The following PGS1 variants were observed in gnomAD, a reference collection of about 807,000 sequenced individuals.
PGS1 encodes the protein CDP-diacylglycerol--glycerol-3-phosphate 3-phosphatidyltransferase, mitochondrial.
A neutral mutation model predicts 58.3 loss-of-function variants in PGS1; 44 were observed. That is an observed-to-expected ratio of 0.75 (90% CI 0.59 to 0.97). The LOEUF (loss-of-function observed/expected upper bound fraction) is 0.97. PGS1 is among the 50% of genes least tolerant of loss of function. The probability of loss-of-function intolerance (pLI) is 0.00; values close to 1 mark genes in which losing one functional copy is unlikely to be tolerated. For synonymous variants in PGS1, 330 were observed against 311.0 expected (o/e 1.06, Z -0.64); for missense variants, 684 against 731.1 (o/e 0.94, Z 0.74).
At chr17:78,422,999 G>A (rs1020208638) in intron 9 of PGS1, among the ~76,000 whole-genome samples, 2 of 151,990 alleles carry the variant, frequency 1.3e-5, no homozygotes, top group African/African-American at 4.8e-5. Flanking sequence ...GGGAGGTTGA[G>A]GCAGGAGAAT....
intron 7 of PGS1, among the ~76,000 whole-genome samples, chr17:78,408,050 C>T (rs1169883672): frequency 6.6e-6 from 1 of 152,238 alleles, no homozygotes; most frequent in African/African-American, 2.4e-5. Flanking sequence ...GATCGTTCAA[C>T]AGCCTGATAC....
chr17:78,395,885 C>T (rs930086450), intron 2 of PGS1, among the ~76,000 whole-genome samples: 10 of 152,310 alleles, frequency 6.6e-5, no homozygotes, highest in South Asian at 2.1e-4. Flanking sequence ...ATTACAGGCA[C>T]GCGCCACCAT....
Position 78,380,595 on chromosome 17 carries a change from C to T in PGS1, c.143+1787C>T, listed in dbSNP as rs574441172. ...AAAAGACCTGCTCATCTCTGGGTGA[C>T]GAAGTCAGATGACTTCTACGTCCTG... On this transcript the variant is annotated intron_variant, in intron 1 of 9. Coordinates refer to ENST00000262764, the MANE Select transcript of PGS1 (RefSeq NM_024419.5). Among the ~76,000 whole-genome samples, 219 of 152,282 alleles carry T rather than the reference C, an allele frequency of 1.4e-3. 2 individuals carry two copies. Among genetic ancestry groups the T allele is most frequent in the African/African-American group, 4.9e-3 (202 of 41,544 alleles).
intron 7 of PGS1, among the ~76,000 whole-genome samples, chr17:78,410,667 T>G (rs2084593080): frequency 1.3e-5 from 2 of 151,692 alleles, no homozygotes; most frequent in South Asian, 2.1e-4. Context: ...AGAGATGGGG[T>G]TTCACCATGA....
chr17:78,415,300 A>T (rs187494115), intron 8 of PGS1, among the ~76,000 whole-genome samples: 232 of 152,190 alleles, frequency 1.5e-3, no homozygotes, highest in African/African-American at 5.3e-3. Context: ...TCTCCCTGGG[A>T]CCTTTTCCTT....
intron 1 of PGS1, among the ~76,000 whole-genome samples, chr17:78,384,729 T>C (rs2082260340): frequency 6.6e-6 from 1 of 152,218 alleles, no homozygotes; most frequent in East Asian, 1.9e-4. Context: ...TACCGTACTC[T>C]TTCATCAAAG....
At chr17:78,384,284 C>T (rs1199220765) in intron 1 of PGS1, among the ~76,000 whole-genome samples, 1 of 152,146 alleles carries the variant, frequency 6.6e-6, no homozygotes, top group Non-Finnish European at 1.5e-5. Context: ...ACTCATTTCC[C>T]TTACTCGGGG....
chr17:78,407,735 A>C (rs1442306875), intron 7 of PGS1, among the ~76,000 whole-genome samples: 1 of 152,264 alleles, frequency 6.6e-6, no homozygotes, highest in Non-Finnish European at 1.5e-5. Context: ...CTCTGCTGTC[A>C]GCACAGCACT....
intron 1 of PGS1, among the ~76,000 whole-genome samples, chr17:78,386,459 T>C (rs1446219939): frequency 6.6e-6 from 1 of 152,174 alleles, no homozygotes; most frequent in African/African-American, 2.4e-5. Flanking sequence ...CCCCCACCAC[T>C]TCCTCCTTCC....
intron 7 of PGS1, among the ~76,000 whole-genome samples, chr17:78,412,376 C>G (rs1382046157): frequency 6.6e-6 from 1 of 152,154 alleles, no homozygotes; most frequent in African/African-American, 2.4e-5. Flanking sequence ...CACTCACCTG[C>G]TGAAAAACCC....
chr17:78,399,551 A>G lies in PGS1; in HGVS notation c.701+14A>G, dbSNP rs767064201. 32 of 1,613,258 alleles carry G rather than the reference A, an allele frequency of 2.0e-5. 1 individual carries two copies. Among genetic ancestry groups the G allele is most frequent in the East Asian group, 2.2e-5 (1 of 44,886 alleles). On this transcript the variant is annotated intron_variant, in intron 5 of 9. Coordinates refer to ENST00000262764, the MANE Select transcript of PGS1 (RefSeq NM_024419.5). Reference sequence around the variant, plus strand: ...CATCTTGAGCGGGTGAGTGCTTCCCACCGTCAGTGCTTTTGCCCTCCTGCT... The same window carrying G: ...CATCTTGAGCGGGTGAGTGCTTCCCGCCGTCAGTGCTTTTGCCCTCCTGCT...
intron 1 of PGS1, among the ~76,000 whole-genome samples, chr17:78,389,616 C>T (rs987128992): frequency 2.4e-4 from 23 of 97,438 alleles, no homozygotes; most frequent in African/African-American, 8.1e-4. Context: ...CCACCGTGCT[C>T]GGCCCCTTTT....
intron 6 of PGS1, among the ~76,000 whole-genome samples, chr17:78,402,126 T>C (rs528141499): frequency 4.3e-4 from 66 of 152,206 alleles, no homozygotes; most frequent in Non-Finnish European, 7.2e-4. Context: ...CCCTGGAGGG[T>C]GTTGGCATCA....
intron 7 of PGS1, among the ~76,000 whole-genome samples, chr17:78,411,596 C>T (rs1466866329): frequency 2.0e-5 from 3 of 152,204 alleles, no homozygotes; most frequent in African/African-American, 4.8e-5. Flanking sequence ...GCACTTGGTC[C>T]GCAGAGGGCT....
intron 3 of PGS1, among the ~76,000 whole-genome samples, chr17:78,396,810 G>A (rs2083257840): frequency 6.6e-6 from 1 of 152,246 alleles, no homozygotes; most frequent in East Asian, 1.9e-4. Flanking sequence ...TTAAATTTCT[G>A]TATTGGTAAA....
At chr17:78,423,829 A>G (rs1240465705) in intron 9 of PGS1, 6 of 1,546,710 alleles carry the variant, frequency 3.9e-6, no homozygotes, top group African/African-American at 1.4e-5. Context: ...CCTGTAAAGA[A>G]TAAGTCACAG....
At chr17:78,405,311 A>G (rs757546640) in intron 7 of PGS1, among the ~76,000 whole-genome samples, 10 of 152,184 alleles carry the variant, frequency 6.6e-5, no homozygotes, top group Admixed American at 1.3e-4. Flanking sequence ...TGCCTTTCTC[A>G]GGGAGAAAGA....
intron 5 of PGS1, among the ~76,000 whole-genome samples, chr17:78,399,763 G>A (rs113379844): frequency 2.5e-3 from 381 of 152,342 alleles, no homozygotes; most frequent in Non-Finnish European, 2.9e-3. Flanking sequence ...AGTCTGTGCT[G>A]GCCACTCAGG....
At chr17:78,411,804 C>T (rs73998898) in intron 7 of PGS1, among the ~76,000 whole-genome samples, 1 of 150,392 alleles carries the variant, frequency 6.6e-6, no homozygotes, top group Non-Finnish European at 1.5e-5. Context: ...CCTGTGTATA[C>T]ACAGCCTGAC....
Sources: allele counts gnomAD v4.1 joint callset (sites outside exome capture counted in the v4.1 genomes callset), GRCh38; gene constraint gnomAD v4.1.1; transcripts MANE v1.5; gene names NCBI Gene and HGNC (gene_info 2026-07-23, HGNC 2026-07-21).